The following CKAP5 variants were observed in gnomAD, a reference collection of about 807,000 sequenced individuals.
CKAP5 encodes the protein cytoskeleton associated protein 5.
CKAP5 carries 27 observed loss-of-function variants against 232.8 expected under a neutral mutation model. That is an observed-to-expected ratio of 0.12 (90% CI 0.09 to 0.16). The LOEUF (loss-of-function observed/expected upper bound fraction) is 0.16, where lower values mean the gene tolerates loss of function less well. CKAP5 is among the 10% of genes least tolerant of loss of function. CKAP5 has a pLI of 1.00. For missense variants in CKAP5, 1,838 were observed against 2,424.7 expected, an observed-to-expected ratio of 0.76 and a Z score of 5.08; for synonymous variants, 785 against 841.1, an observed-to-expected ratio of 0.93 and a Z score of 1.16.
chr11:46,845,359 T>C (rs1940161029), intron 1 of CKAP5, among the ~76,000 whole-genome samples: 1 of 152,222 alleles, frequency 6.6e-6, no homozygotes, highest in Non-Finnish European at 1.5e-5. Context: ...TCAACCTCTA[T>C]TGATGCTGAA....
At chr11:46,810,459 C>G (rs967710220) in intron 5 of CKAP5, among the ~76,000 whole-genome samples, 1 of 152,054 alleles carries the variant, frequency 6.6e-6, no homozygotes, top group Non-Finnish European at 1.5e-5. Flanking sequence ...ACAGGCTGTG[C>G]TACCATGCTT....
At chr11:46,761,954 C>A in intron 32 of CKAP5, 46 bp downstream of exon 32, 2 of 1,497,980 alleles carry the variant, frequency 1.3e-6, no homozygotes, top group Non-Finnish European at 9.2e-7. Context: ...GGAGATCTTG[C>A]AATTCTTTTC....
intron 1 of CKAP5, among the ~76,000 whole-genome samples, chr11:46,827,464 T>C (rs1592486450): frequency 6.6e-6 from 1 of 151,980 alleles, no homozygotes; most frequent in African/African-American, 2.4e-5. Flanking sequence ...ACCCCATCTC[T>C]ACAAAAAATA....
chr11:46,750,328 G>GAT lies in CKAP5; in HGVS notation c.5649_5650insAT (p.Leu1884IlefsTer4). 6.2e-7 allele frequency: 1 copy of GAT among 1,614,120 alleles called. No individual in the cohort carries two copies. The highest frequency in any genetic ancestry group is 8.5e-7 in the Non-Finnish European group (1 of 1,180,008). ...TCCCTCTCCATCTCAATCACCCGAA[G>GAT]GCCTCTTTCGACATAGCTCTGGAAG... is the stretch of plus-strand genomic sequence containing the variant. On this transcript the variant is annotated frameshift_variant, in exon 42 of 44. Coordinates refer to ENST00000529230, the MANE Select transcript of CKAP5 (RefSeq NM_001008938.4). LOFTEE classifies it high-confidence loss of function.
At chr11:46,839,017 T>C (rs1939985512) in intron 1 of CKAP5, among the ~76,000 whole-genome samples, 1 of 152,042 alleles carries the variant, frequency 6.6e-6, no homozygotes, top group Admixed American at 6.6e-5. Flanking sequence ...CATTGTTGAG[T>C]CACTGAGGTA....
At chr11:46,769,882 TAA>T in intron 26 of CKAP5, 79 bp downstream of exon 26, 1 of 1,484,152 alleles carries the variant, frequency 6.7e-7, no homozygotes, top group East Asian at 2.3e-5. Context: ...AAATGTGATT[TAA>T]AAAAGACAAG....
intron 42 of CKAP5, among the ~76,000 whole-genome samples, chr11:46,745,720 A>C (rs891514133): frequency 3.9e-5 from 6 of 152,164 alleles, no homozygotes; most frequent in African/African-American, 1.4e-4. Context: ...TTGGGAGACC[A>C]AGACAGGTGG....
rs1237509221 is a variant in CKAP5, at chr11:46,778,536, C to A, written c.2497G>T (p.Asp833Tyr). The change falls in exon 21 of 44, where the codon GAT (aspartate) becomes TAT (tyrosine). Residue 833 changes from aspartate (D) to tyrosine (Y), a missense_variant. Physicochemically the swap from Asp to Tyr is radical, Grantham distance 160. Around this residue, in one of 6 missense-constraint regions of CKAP5, gnomAD observed 767 missense variants for 954.6 expected, o/e 0.80. Transcript: ENST00000529230. ...GGTTCATCTCCATCTTCTCCTTCAT[C>A]TGTACCACTTGTGCTATGCTTGGAA... ...GISKHSTSGT[D>Y]EGEDGDEPDD... The A allele has an allele frequency of 3.1e-6, 5 of 1,614,088 alleles. No homozygotes were observed. The highest frequency in any genetic ancestry group is 2.7e-5 in the African/African-American group (2 of 75,048).
chr11:46,744,309 G>C (rs1243469886), intron 43 of CKAP5, 44 bp from the exon 44 acceptor site: 1 of 1,612,878 alleles, frequency 6.2e-7, no homozygotes, highest in Admixed American at 1.7e-5. Context: ...AGGTCAAGCA[G>C]GTCAAGATGC....
chr11:46,752,704 T>C lies in CKAP5; in HGVS notation c.5064A>G (p.Leu1688=), dbSNP rs775613867. 6.2e-7 allele frequency: 1 copy of C among 1,612,186 alleles called. No individual in the cohort carries two copies. The highest frequency in any genetic ancestry group is 8.5e-7 in the Non-Finnish European group (1 of 1,178,814). The change falls in exon 38 of 44, where the codon CTA becomes CTG. Residue 1688 remains leucine, a synonymous_variant. Transcript: ENST00000529230. Reference sequence around the variant, plus strand: ...GCAGGCTGTCTTGGAGCAAAACAAGTAGGGCACTGGAAGAAAAACCCAACA... The same window carrying C: ...GCAGGCTGTCTTGGAGCAAAACAAGCAGGGCACTGGAAGAAAAACCCAACA... The part of the protein sequence containing the change: ...KSDQTNILSA[L]LVLLQDSLLA...
Position 46,763,246 on chromosome 11 carries a change from G to A in CKAP5, c.3688-67C>T, listed in dbSNP as rs2065171183. On this transcript the variant is annotated intron_variant, in intron 29 of 43. Transcript: ENST00000529230. ...TCAAAATCTTAATTCTACTAGGCAA[G>A]TGTCTTTTAAATTTTATTGGAGCCC... The A allele has an allele frequency of 2.7e-5, 36 of 1,316,130 alleles. No homozygotes were observed. The South Asian group carries it at 4.8e-4, about 18-fold the overall frequency. The allele number at this position is 1,316,130 out of a possible 1,614,324, so 81.5% of individuals were successfully genotyped here.
In CKAP5 at chr11:46,795,669, C is replaced by T. The variant is rs2134647218; in HGVS notation, c.1575G>A (p.Gly525=). Residue 525 remains glycine, a synonymous_variant, in exon 13 of 44, where the codon GGG becomes GGA. Coordinates refer to ENST00000529230, the MANE Select transcript of CKAP5 (RefSeq NM_001008938.4). The stretch of plus-strand genomic sequence containing the variant: ...CCTTTGTGTCCTTATCTCCTGCAGC[C>T]CCTGAAGCAGCAGTCCTTCCAGGCA... ...KPLPGRTAAS[G]AAGDKDTKDI... is the part of the protein sequence containing the mutation. The T allele has an allele frequency of 6.2e-7, 1 of 1,614,092 alleles. No homozygotes were observed. The highest frequency in any genetic ancestry group is 8.5e-7 in the Non-Finnish European group (1 of 1,179,994).
chr11:46,757,049 G>A (rs1032393805), intron 35 of CKAP5, among the ~76,000 whole-genome samples: 2 of 151,484 alleles, frequency 1.3e-5, no homozygotes, highest in Non-Finnish European at 2.9e-5. Context: ...ATAGGCATGA[G>A]CCACAGCGCC....
chr11:46,844,415 AAAACAAAC>A (rs530778276), intron 1 of CKAP5, among the ~76,000 whole-genome samples: 31 of 152,260 alleles, frequency 2.0e-4, no homozygotes, highest in Admixed American at 1.6e-3. Context: ...GTGAAGGTAA[AAAACAAAC>A]AAACAAACAA....
chr11:46,809,813 A>C lies in CKAP5; in HGVS notation c.692T>G (p.Phe231Cys), dbSNP rs777042989. ...TTCTAGTTCTTGTTGGGAACGAAGAAATCGAGTAGGTCTAGGAGCACTTGT... is the reference window on the plus strand; with the variant it reads ...TTCTAGTTCTTGTTGGGAACGAAGACATCGAGTAGGTCTAGGAGCACTTGT... ...LPTSAPRPTR[F>C]LRSQQELEAK... is the part of the protein sequence containing the mutation. The change falls in exon 6 of 44, where the codon TTT becomes TGT. Residue 231 changes from phenylalanine (F) to cysteine (C), a missense_variant. Physicochemically the swap from Phe to Cys is radical, Grantham distance 205. This residue lies in a region of CKAP5 where 285 missense variants were observed against 300.0 expected (regional missense o/e 0.95). Coordinates refer to ENST00000529230, the MANE Select transcript of CKAP5 (RefSeq NM_001008938.4). 5.0e-6 allele frequency: 8 copies of C among 1,614,004 alleles called. No individual in the cohort carries two copies. In the African/African-American group the frequency reaches 1.1e-4, roughly 22 times the overall value.
At chr11:46,821,371 G>C (rs1158249984) in intron 1 of CKAP5, 103 bp from the exon 2 acceptor site, 3 of 407,424 alleles carry the variant, frequency 7.4e-6, no homozygotes, top group East Asian at 1.1e-4. Context: ...AACAACAAGA[G>C]TAAAAATCCC....
intron 1 of CKAP5, among the ~76,000 whole-genome samples, chr11:46,831,057 T>C (rs1939781548): frequency 6.6e-6 from 1 of 152,002 alleles, no homozygotes; most frequent in Admixed American, 6.6e-5. Flanking sequence ...AAAGTGAGAA[T>C]CAGTCTCAAA....
At chr11:46,749,878 G>C (rs1263165444) in intron 42 of CKAP5, among the ~76,000 whole-genome samples, 3 of 149,312 alleles carry the variant, frequency 2.0e-5, no homozygotes, top group Non-Finnish European at 4.4e-5. Context: ...TTGAACCCGA[G>C]ATTGCACCAC....
Position 46,820,310 on chromosome 11 carries a change from G to C in CKAP5, c.57+865C>G, listed in dbSNP as rs12362529. On this transcript the variant is annotated intron_variant, in intron 2 of 43. Coordinates refer to ENST00000529230, the MANE Select transcript of CKAP5 (RefSeq NM_001008938.4). ...ATGTTGATTTTTGATACAGTATTCG[G>C]CCTTGGCTAATTTATTATATAGGAT... Among the ~76,000 whole-genome samples the C allele has an allele frequency of 7.8e-3, 1,183 of 152,186 alleles. 8 individuals carry two copies. Among genetic ancestry groups the C allele is most frequent in the Middle Eastern group, 0.027 (8 of 294 alleles).
Sources: allele counts gnomAD v4.1 joint callset (sites outside exome capture counted in the v4.1 genomes callset), GRCh38; gene constraint gnomAD v4.1.1; regional missense constraint gnomAD v4.1.1; transcripts MANE v1.5; gene names NCBI Gene and HGNC (gene_info 2026-07-23, HGNC 2026-07-21).